The following THSD4 variants were observed in gnomAD, a reference collection of about 807,000 sequenced individuals.
THSD4 encodes thrombospondin type 1 domain containing 4, also known as thrombospondin type-1 domain-containing protein 4.
In THSD4, 69 loss-of-function variants were observed where a neutral mutation model predicts 119.0. The ratio of observed to expected loss-of-function variants is 0.58; its 90% CI spans 0.48 to 0.71. THSD4 has a LOEUF of 0.71. Among genes scored for constraint, THSD4 ranks in the 30% least tolerant of loss-of-function variants. The probability of loss-of-function intolerance (pLI) is 0.00; values close to 1 mark genes in which losing one functional copy is unlikely to be tolerated. For missense variants in THSD4, 1,393 were observed against 1,391.1 expected, an observed-to-expected ratio of 1.00 and a Z score of -0.02; for synonymous variants, 524 against 540.4, an observed-to-expected ratio of 0.97 and a Z score of 0.42.
chr15:71,521,247 C>T (rs1595853079), intron 7 of THSD4, among the ~76,000 whole-genome samples: 4 of 152,184 alleles, frequency 2.6e-5, no homozygotes, highest in Non-Finnish European at 5.9e-5. Context: ...TACTTCCCCA[C>T]TCTCCCTGCA....
chr15:71,771,814 G>A (rs2053828300), intron 17 of THSD4, among the ~76,000 whole-genome samples: 1 of 152,192 alleles, frequency 6.6e-6, no homozygotes, highest in African/African-American at 2.4e-5. Flanking sequence ...ATAGGGGCCA[G>A]TTTCCTGGAG....
At chr15:71,563,612 T>G (rs1003510502) in intron 7 of THSD4, among the ~76,000 whole-genome samples, 1 of 151,914 alleles carries the variant, frequency 6.6e-6, no homozygotes, top group African/African-American at 2.4e-5. Context: ...CACACTGAAG[T>G]AGACAGACAG....
chr15:71,445,139 C>T (rs1308085920), intron 7 of THSD4, among the ~76,000 whole-genome samples: 20 of 152,090 alleles, frequency 1.3e-4, no homozygotes, highest in Admixed American at 1.3e-3. Context: ...TAGCTGTTCA[C>T]CTGGCAAGAC....
At chr15:71,443,807 A>G (rs2047143482) in intron 7 of THSD4, among the ~76,000 whole-genome samples, 1 of 152,274 alleles carries the variant, frequency 6.6e-6, no homozygotes, top group Non-Finnish European at 1.5e-5. Context: ...ATGAAAGCAC[A>G]ATGGGAAAAT....
chr15:71,124,427 ACCCCTGGTCTAGACG>A (rs2040435531), intron 1 of THSD4, among the ~76,000 whole-genome samples: 1 of 152,190 alleles, frequency 6.6e-6, no homozygotes, highest in Admixed American at 6.5e-5. Flanking sequence ...GAGTTTGTGG[ACCCCTGGTCTAGACG>A]CTTACAATAT....
intron 3 of THSD4, among the ~76,000 whole-genome samples, chr15:71,159,957 G>T (rs2043236262): frequency 6.6e-6 from 1 of 152,016 alleles, no homozygotes; most frequent in Non-Finnish European, 1.5e-5. Context: ...CTGTGACTTT[G>T]TCATATACGA....
chr15:71,776,972 CTG>C (rs1330088140), intron 17 of THSD4, among the ~76,000 whole-genome samples: 1 of 152,162 alleles, frequency 6.6e-6, no homozygotes, highest in African/African-American at 2.4e-5. Context: ...CTGATTACCT[CTG>C]GAGTGATGAG....
intron 7 of THSD4, among the ~76,000 whole-genome samples, chr15:71,570,758 C>T (rs1001509607): frequency 6.6e-6 from 1 of 152,072 alleles, no homozygotes; most frequent in Admixed American, 6.5e-5. Context: ...TGGTGTTGGG[C>T]GAGTCCTTCT....
chr15:71,694,958 G>A (rs1409691939), intron 8 of THSD4, among the ~76,000 whole-genome samples: 1 of 152,162 alleles, frequency 6.6e-6, no homozygotes, highest in Non-Finnish European at 1.5e-5. Flanking sequence ...AACCAGCAGT[G>A]CATGTGATGG....
intron 7 of THSD4, among the ~76,000 whole-genome samples, chr15:71,601,226 T>G (rs2050004537): frequency 6.6e-6 from 1 of 152,322 alleles, no homozygotes; most frequent in South Asian, 2.1e-4. Flanking sequence ...AGACTATCAT[T>G]TAACACTTCC....
chr15:71,720,485 T>C (rs2052701666), intron 8 of THSD4, among the ~76,000 whole-genome samples: 2 of 152,240 alleles, frequency 1.3e-5, no homozygotes, highest in Admixed American at 1.3e-4. Flanking sequence ...AATATCTATA[T>C]GATTTCCGTT....
intron 7 of THSD4, among the ~76,000 whole-genome samples, chr15:71,497,059 A>C (rs1047234449): frequency 1.3e-5 from 2 of 152,222 alleles, no homozygotes; most frequent in African/African-American, 4.8e-5. Flanking sequence ...TTGCATTCCA[A>C]CCACCAAAGA....
chr15:71,584,238 C>G (rs1174853782), intron 7 of THSD4, among the ~76,000 whole-genome samples: 3 of 137,426 alleles, frequency 2.2e-5, no homozygotes, highest in Admixed American at 7.3e-5. Flanking sequence ...GGTTACCATT[C>G]ACGTGGATTT....
intron 3 of THSD4, among the ~76,000 whole-genome samples, chr15:71,205,167 G>T (rs1007017568): frequency 3.9e-5 from 6 of 152,198 alleles, no homozygotes; most frequent in Non-Finnish European, 5.9e-5. Flanking sequence ...ACGTCAGGTA[G>T]ATTGTGTTGC....
chr15:71,756,739 C>G (rs946586499), intron 14 of THSD4, among the ~76,000 whole-genome samples: 2 of 152,308 alleles, frequency 1.3e-5, no homozygotes, highest in Admixed American at 6.5e-5. Flanking sequence ...GATCACGCCA[C>G]CTGGGTGATG....
chr15:71,412,382 C>T (rs1291603842), intron 7 of THSD4, among the ~76,000 whole-genome samples: 1 of 152,196 alleles, frequency 6.6e-6, no homozygotes, highest in Non-Finnish European at 1.5e-5. Context: ...TTCTGGGCTT[C>T]AGAGAATCCT....
chr15:71,387,250 G>A (rs2140461754), intron 6 of THSD4, among the ~76,000 whole-genome samples: 1 of 151,638 alleles, frequency 6.6e-6, no homozygotes, highest in East Asian at 1.9e-4. Context: ...GGATCTTTTT[G>A]ACTGACATTG....
intron 7 of THSD4, among the ~76,000 whole-genome samples, chr15:71,492,861 C>A (rs1395266517): frequency 6.6e-6 from 1 of 151,714 alleles, no homozygotes; most frequent in East Asian, 1.9e-4. Context: ...CTGAAGCATG[C>A]CACATTTAAA....
intron 6 of THSD4, among the ~76,000 whole-genome samples, chr15:71,263,611 CAGTGTATA>C (rs940809859): frequency 5.8e-4 from 89 of 152,278 alleles, no homozygotes; most frequent in Non-Finnish European, 1.3e-4. Flanking sequence ...CTCCCACCAA[CAGTGTATA>C]AGTGTTCCTT....
Sources: allele counts gnomAD v4.1 joint callset (sites outside exome capture counted in the v4.1 genomes callset), GRCh38; gene constraint gnomAD v4.1.1; transcripts MANE v1.5; gene names NCBI Gene and HGNC (gene_info 2026-07-23, HGNC 2026-07-21).